The following STXBP5L variants were observed in gnomAD, a reference collection of about 807,000 sequenced individuals.
STXBP5L encodes the protein syntaxin-binding protein 5-like.
STXBP5L carries 65 observed loss-of-function variants against 144.5 expected under a neutral mutation model. That is an observed-to-expected ratio of 0.45 (90% CI 0.37 to 0.55). The LOEUF (loss-of-function observed/expected upper bound fraction) is 0.55, where lower values mean the gene tolerates loss of function less well. Among genes scored for constraint, STXBP5L ranks in the 20% least tolerant of loss-of-function variants. The pLI is 0.00. For synonymous variants in STXBP5L, 505 were observed against 469.6 expected, an observed-to-expected ratio of 1.08 and a Z score of -0.97; for missense variants, 1,298 against 1,405.5, an observed-to-expected ratio of 0.92 and a Z score of 1.22.
intron 9 of STXBP5L, among the ~76,000 whole-genome samples, chr3:121,159,757 G>T (rs939182323): frequency 1.7e-4 from 25 of 151,488 alleles, no homozygotes; most frequent in African/African-American, 6.1e-4. Flanking sequence ...AGCCTCCCGA[G>T]TAGCTGGGAC....
At chr3:120,981,474 T>A (rs1941768330) in intron 3 of STXBP5L, among the ~76,000 whole-genome samples, 1 of 152,266 alleles carries the variant, frequency 6.6e-6, no homozygotes, top group East Asian at 1.9e-4. Flanking sequence ...TTCTAGCCTA[T>A]TATTAGGGCT....
At chr3:121,020,678 G>A (rs573614244) in intron 3 of STXBP5L, among the ~76,000 whole-genome samples, 2 of 152,016 alleles carry the variant, frequency 1.3e-5, no homozygotes, top group Non-Finnish European at 2.9e-5. Context: ...ATAAATGAAG[G>A]GAAGATACAG....
chr3:120,977,720 G>A (rs1299521495), intron 3 of STXBP5L, among the ~76,000 whole-genome samples: 2 of 152,156 alleles, frequency 1.3e-5, no homozygotes, highest in Admixed American at 6.5e-5. Context: ...TCCTTCAGGA[G>A]CTCTTTTAGG....
At chr3:121,244,759 T>A (rs903747712) in intron 14 of STXBP5L, among the ~76,000 whole-genome samples, 4 of 151,924 alleles carry the variant, frequency 2.6e-5, no homozygotes, top group Non-Finnish European at 5.9e-5. Context: ...CATGGCAGAC[T>A]AGAAGGGAGT....
intron 6 of STXBP5L, among the ~76,000 whole-genome samples, chr3:121,115,313 A>G (rs2044185238): frequency 6.6e-6 from 1 of 152,206 alleles, no homozygotes; most frequent in African/African-American, 2.4e-5. Context: ...GGCTTATTCT[A>G]AAAGTTATAC....
At chr3:121,406,501 C>T (rs901266617) in intron 22 of STXBP5L, among the ~76,000 whole-genome samples, 2 of 152,004 alleles carry the variant, frequency 1.3e-5, no homozygotes, top group African/African-American at 4.8e-5. Context: ...AGAGCCCAAA[C>T]TACCTCCTAA....
chr3:121,114,655 A>G (rs2044153243), intron 5 of STXBP5L, among the ~76,000 whole-genome samples: 1 of 152,168 alleles, frequency 6.6e-6, no homozygotes, highest in Non-Finnish European at 1.5e-5. Flanking sequence ...GTAAAACAGA[A>G]ATACATATCT....
intron 3 of STXBP5L, among the ~76,000 whole-genome samples, chr3:121,007,128 T>C (rs1471332813): frequency 6.6e-6 from 1 of 151,910 alleles, no homozygotes; most frequent in Non-Finnish European, 1.5e-5. Context: ...TCTCCAGCTT[T>C]TTAAAAGTTA....
chr3:121,279,787 A>T lies in STXBP5L; in HGVS notation c.1959-18A>T, dbSNP rs1559931158. 6.2e-7 allele frequency: 1 copy of T among 1,608,530 alleles called. No individual in the cohort carries two copies. Among genetic ancestry groups the T allele is most frequent in the Non-Finnish European group, 8.5e-7 (1 of 1,176,844 alleles). ...GCTTGTTGTGATACATTCTAGTTGT[A>T]TTTTTTTTCTCTCTTAGAGTTGCAT... On this transcript the variant is annotated intron_variant, in intron 18 of 26. Coordinates refer to ENST00000471454, the MANE Select transcript of STXBP5L (RefSeq NM_001308330.2).
At chr3:121,242,320 A>G (rs2049697115) in intron 14 of STXBP5L, among the ~76,000 whole-genome samples, 1 of 152,156 alleles carries the variant, frequency 6.6e-6, no homozygotes, top group Non-Finnish European at 1.5e-5. Context: ...ATGTTACTAT[A>G]ATCACATTGT....
intron 3 of STXBP5L, among the ~76,000 whole-genome samples, chr3:120,972,895 C>T (rs897886761): frequency 6.6e-6 from 1 of 152,020 alleles, no homozygotes; most frequent in African/African-American, 2.4e-5. Context: ...TATGTTGAAT[C>T]GTCCTTGCAA....
chr3:120,934,616 T>C (rs747845344), intron 2 of STXBP5L, among the ~76,000 whole-genome samples: 2 of 152,022 alleles, frequency 1.3e-5, no homozygotes, highest in Non-Finnish European at 2.9e-5. Flanking sequence ...TTATAGTGGA[T>C]TTATCTATTT....
intron 19 of STXBP5L, among the ~76,000 whole-genome samples, chr3:121,305,688 T>C (rs1446614422): frequency 6.6e-6 from 1 of 152,186 alleles, no homozygotes; most frequent in Non-Finnish European, 1.5e-5. Flanking sequence ...TACAGCATCA[T>C]ACTTGATTGT....
chr3:121,029,708 G>A (rs1272241555), intron 3 of STXBP5L, among the ~76,000 whole-genome samples: 1 of 152,054 alleles, frequency 6.6e-6, no homozygotes, highest in African/African-American at 2.4e-5. Context: ...AAGAGATTCT[G>A]CACAGCAAAA....
At chr3:121,043,918 C>T (rs1049887574) in intron 4 of STXBP5L, among the ~76,000 whole-genome samples, 10 of 152,118 alleles carry the variant, frequency 6.6e-5, no homozygotes, top group African/African-American at 2.4e-4. Context: ...AGGTGAACTT[C>T]CACCTCTCTG....
chr3:120,952,489 G>A (rs1254518336), intron 2 of STXBP5L, among the ~76,000 whole-genome samples: 1 of 151,866 alleles, frequency 6.6e-6, no homozygotes, highest in African/African-American at 2.4e-5. Flanking sequence ...TTAGTATGCA[G>A]GAATACAATT....
intron 5 of STXBP5L, among the ~76,000 whole-genome samples, chr3:121,052,108 C>G (rs929239452): frequency 6.6e-6 from 1 of 152,128 alleles, no homozygotes. Context: ...CAACCAAAAA[C>G]AGTCCAGGAC....
intron 19 of STXBP5L, among the ~76,000 whole-genome samples, chr3:121,302,433 T>C (rs567510181): frequency 9.8e-4 from 150 of 152,316 alleles, no homozygotes; most frequent in Non-Finnish European, 1.7e-3. Context: ...TTCTTTTCTC[T>C]TTTCTTCTTT....
At chr3:121,127,983 G>T (rs2044790616) in intron 7 of STXBP5L, among the ~76,000 whole-genome samples, 1 of 151,998 alleles carries the variant, frequency 6.6e-6, no homozygotes, top group African/African-American at 2.4e-5. Context: ...CAAAGAACCA[G>T]AATCAGATCT....
Sources: gnomAD v4.1 joint callset for allele counts (sites outside exome capture counted in the v4.1 genomes callset) on GRCh38, gnomAD v4.1.1 for gene constraint, MANE v1.5 for transcripts, NCBI Gene and HGNC (gene_info 2026-07-23, HGNC 2026-07-21) for gene names.